Variants in FRMD6 observed in about 807,000 individuals in gnomAD.
FRMD6 encodes FERM domain-containing protein 6.
A neutral mutation model predicts 73.2 loss-of-function variants in FRMD6; 37 were observed. The observed-to-expected ratio is 0.51, with a 90% CI of 0.39 to 0.66. FRMD6 has a LOEUF of 0.66. Ranked by LOEUF, FRMD6 falls within the 30% of genes least tolerant of loss-of-function variation. The pLI is 0.00. For missense variants in FRMD6, 714 were observed against 780.5 expected (o/e 0.91, Z 1.02); for synonymous variants, 273 against 282.2 (o/e 0.97, Z 0.33).
chr14:51,694,855 A>G (rs1222184454), intron 2 of FRMD6, among the ~76,000 whole-genome samples: 2 of 152,200 alleles, frequency 1.3e-5, no homozygotes, highest in African/African-American at 4.8e-5. Flanking sequence ...AAAGACTCAT[A>G]ATATGCAAAT....
the FRMD6 span, among the ~76,000 whole-genome samples, chr14:51,453,982 G>A: frequency 1.3e-5 from 2 of 152,162 alleles, no homozygotes; most frequent in East Asian, 1.9e-4. Context: ...ATTACCAAAG[G>A]CGATGAAGCA....
chr14:51,528,679 A>G (rs539995515), intron 1 of FRMD6, among the ~76,000 whole-genome samples: 36 of 152,340 alleles, frequency 2.4e-4, no homozygotes, highest in Admixed American at 4.6e-4. Flanking sequence ...AAGTTTGAAA[A>G]TCACTGGTCT....
intron 1 of FRMD6, among the ~76,000 whole-genome samples, chr14:51,545,382 G>A (rs1226889256): frequency 3.9e-5 from 6 of 152,100 alleles, no homozygotes; most frequent in African/African-American, 1.4e-4. Context: ...CAAACTGCTA[G>A]AGTTAAGGAA....
chr14:51,618,561 GAA>G (rs1279296234), intron 2 of FRMD6, among the ~76,000 whole-genome samples: 1 of 152,170 alleles, frequency 6.6e-6, no homozygotes, highest in Non-Finnish European at 1.5e-5. Context: ...AGTTAGGAGG[GAA>G]ATAGGCAGAG....
In FRMD6 at chr14:51,708,159, G is replaced by A. The variant is rs563838195; in HGVS notation, c.640G>A (p.Glu214Lys). The part of the protein sequence containing the change: ...HKDQFALTAS[E>K]AHLKYIKEAV... ...AGATCAGTTTGCACTAACAGCTTCC[G>A]AAGCTCATCTTAAATATATCAAAGA... Residue 214 changes from glutamate to lysine, a missense_variant, in exon 7 of 14, where the codon GAA becomes AAA. Glu to Lys is a moderately conservative substitution (Grantham distance 56). Transcript: ENST00000344768. The A allele has an allele frequency of 6.6e-5, 107 of 1,613,198 alleles. No individual in the cohort carries two copies. Among genetic ancestry groups the A allele is most frequent in the Non-Finnish European group, 8.4e-5 (99 of 1,179,470 alleles).
chr14:51,437,358 A>G, the FRMD6 span, among the ~76,000 whole-genome samples: 10 of 151,806 alleles, frequency 6.6e-5, no homozygotes, highest in South Asian at 2.1e-3. Flanking sequence ...GCTGGAGTGC[A>G]GTGGCGCGAT....
At chr14:51,659,202 T>A (rs1893043114) in intron 1 of FRMD6, among the ~76,000 whole-genome samples, 1 of 152,196 alleles carries the variant, frequency 6.6e-6, no homozygotes, top group African/African-American at 2.4e-5. Flanking sequence ...ACACCTCTTT[T>A]TCCTCATCAG....
At chr14:51,398,769 A>G in the FRMD6 span, among the ~76,000 whole-genome samples, 3 of 152,172 alleles carry the variant, frequency 2.0e-5, no homozygotes, top group African/African-American at 4.8e-5. Context: ...AAAGAGTCTC[A>G]ACCAGGGACA....
chr14:51,452,297 G>C, the FRMD6 span, among the ~76,000 whole-genome samples: 5 of 152,184 alleles, frequency 3.3e-5, no homozygotes, highest in African/African-American at 4.8e-5. Context: ...ATGATGAGTG[G>C]ATGGTGGCTA....
intron 1 of FRMD6, among the ~76,000 whole-genome samples, chr14:51,550,195 C>G (rs1224931458): frequency 1.3e-5 from 2 of 152,106 alleles, no homozygotes; most frequent in Admixed American, 6.5e-5. Context: ...TTTCTCATCC[C>G]TAAATCCACC....
intron 1 of FRMD6, among the ~76,000 whole-genome samples, chr14:51,508,753 A>G (rs1884123624): frequency 6.6e-6 from 1 of 152,210 alleles, no homozygotes; most frequent in Non-Finnish European, 1.5e-5. Context: ...AAAGCAAACT[A>G]TAATTACAGT....
At chr14:51,444,955 A>G in the FRMD6 span, among the ~76,000 whole-genome samples, 1 of 152,140 alleles carries the variant, frequency 6.6e-6, no homozygotes, top group Non-Finnish European at 1.5e-5. Context: ...TTGAAAACTT[A>G]TTCAATGATA....
At chr14:51,405,272 A>G in the FRMD6 span, among the ~76,000 whole-genome samples, 1 of 152,272 alleles carries the variant, frequency 6.6e-6, no homozygotes, top group East Asian at 1.9e-4. Flanking sequence ...AATGATTTAT[A>G]TTCTTCTGGG....
chr14:51,476,585 A>C, the FRMD6 span, among the ~76,000 whole-genome samples: 3 of 152,202 alleles, frequency 2.0e-5, no homozygotes, highest in Admixed American at 2.0e-4. Context: ...TCTCTTTTCC[A>C]GTATGAATAG....
intron 1 of FRMD6, among the ~76,000 whole-genome samples, chr14:51,540,964 G>A (rs1886171242): frequency 6.6e-6 from 1 of 151,974 alleles, no homozygotes; most frequent in Non-Finnish European, 1.5e-5. Flanking sequence ...AATATATTAA[G>A]GTAAACACCA....
chr14:51,506,796 A>T (rs574730031), intron 1 of FRMD6, among the ~76,000 whole-genome samples: 403 of 152,314 alleles, frequency 2.6e-3, no homozygotes, highest in African/African-American at 9.2e-3. Context: ...GCAGTTGACT[A>T]AATAAACCAC....
intron 1 of FRMD6, among the ~76,000 whole-genome samples, chr14:51,556,611 A>G (rs1035485655): frequency 7.9e-5 from 12 of 152,168 alleles, no homozygotes; most frequent in Non-Finnish European, 1.8e-4. Context: ...CGACAGGGGT[A>G]TTGGCCTTAG....
At chr14:51,639,242 TGACC>T in intron 2 of FRMD6, among the ~76,000 whole-genome samples, 1 of 152,116 alleles carries the variant, frequency 6.6e-6, no homozygotes, top group African/African-American at 2.4e-5. Context: ...GAGACCATGC[TGACC>T]AACACGGTGA....
At chr14:51,710,225 A>C (rs1896868437) in intron 7 of FRMD6, among the ~76,000 whole-genome samples, 1 of 152,146 alleles carries the variant, frequency 6.6e-6, no homozygotes, top group South Asian at 2.1e-4. Flanking sequence ...AACATAATGA[A>C]GTGGGGGAAA....
Sources: allele counts gnomAD v4.1 joint callset (sites outside exome capture counted in the v4.1 genomes callset), GRCh38; gene constraint gnomAD v4.1.1; transcripts MANE v1.5; gene names NCBI Gene and HGNC (gene_info 2026-07-23, HGNC 2026-07-21).